The following SLIT1 variants were observed in gnomAD, a reference collection of about 807,000 sequenced individuals.
SLIT1 encodes slit guidance ligand 1, also known as slit homolog 1 protein.
SLIT1 carries 66 observed loss-of-function variants against 186.1 expected under a neutral mutation model. That is an observed-to-expected ratio of 0.35 (90% CI 0.29 to 0.44). SLIT1 has a LOEUF of 0.44. Ranked by LOEUF, SLIT1 falls within the 20% of genes least tolerant of loss-of-function variation. SLIT1 has a pLI of 1.00. For missense variants in SLIT1, 1,638 were observed against 2,037.4 expected, an observed-to-expected ratio of 0.80 and a Z score of 3.77; for synonymous variants, 761 against 833.8, an observed-to-expected ratio of 0.91 and a Z score of 1.50.
chr10:97,055,185 C>T (rs551603594), intron 13 of SLIT1, among the ~76,000 whole-genome samples: 1 of 151,968 alleles, frequency 6.6e-6, no homozygotes, highest in Non-Finnish European at 1.5e-5. Context: ...CCATTGCACT[C>T]CAGCCTAGGT....
At chr10:97,132,298 A>C (rs1236903610) in intron 4 of SLIT1, among the ~76,000 whole-genome samples, 2 of 152,102 alleles carry the variant, frequency 1.3e-5, no homozygotes, top group African/African-American at 4.8e-5. Flanking sequence ...GACAAAGCCA[A>C]CTTGAGGTTC....
intron 25 of SLIT1, among the ~76,000 whole-genome samples, chr10:97,030,548 G>A (rs1056029287): frequency 1.3e-5 from 2 of 152,196 alleles, no homozygotes; most frequent in Admixed American, 6.5e-5. Context: ...CTTCACTACC[G>A]CTTGCGAGGA....
Position 96,998,117 on chromosome 10 carries a change from G to C in SLIT1, c.*2995C>G, listed in dbSNP as rs558872041. 2 of 152,244 alleles carry C rather than the reference G, an allele frequency of 1.3e-5. No homozygotes were observed. Among genetic ancestry groups the C allele is most frequent in the South Asian group, 2.1e-4 (1 of 4,830 alleles). 9.4% of individuals were successfully genotyped at this position (152,244 alleles called of 1,614,324 possible). On this transcript the variant is annotated 3_prime_UTR_variant, in exon 37 of 37. Transcript: ENST00000266058. ...GTCTAAAACAATACTTCCAGGGCAG[G>C]TGCAGCTCCCTCATGGGCCTGTTCT...
At chr10:97,009,481 C>G (rs913603157) in intron 31 of SLIT1, among the ~76,000 whole-genome samples, 3 of 152,116 alleles carry the variant, frequency 2.0e-5, no homozygotes, top group Non-Finnish European at 2.9e-5. Context: ...TAAAAATTAA[C>G]TCAAAATGGA....
At chr10:97,003,944 CT>C in intron 34 of SLIT1, 123 bp downstream of exon 34, 1 of 901,786 alleles carries the variant, frequency 1.1e-6, no homozygotes, top group Non-Finnish European at 1.7e-6. Context: ...CCACCTGCAG[CT>C]TGGCCACCAC....
At chr10:97,147,882 C>T (rs907491843) in intron 4 of SLIT1, among the ~76,000 whole-genome samples, 1 of 152,226 alleles carries the variant, frequency 6.6e-6, no homozygotes, top group African/African-American at 2.4e-5. Flanking sequence ...GCTGCTCCTT[C>T]CACTGGAGTC....
chr10:97,164,793 G>T (rs373384687), intron 2 of SLIT1, 26 bp downstream of exon 2: 84 of 1,580,418 alleles, frequency 5.3e-5, no homozygotes, highest in Admixed American at 3.3e-5. Flanking sequence ...CCAGGGGTGG[G>T]GTGGGAGGGA....
chr10:97,046,562 G>T, intron 18 of SLIT1, 92 bp downstream of exon 18: 1 of 1,303,442 alleles, frequency 7.7e-7, no homozygotes. Context: ...TGGGCCCAGG[G>T]GAGGGGCTCC....
At position 97,185,538 on chromosome 10, in the gene SLIT1, T is replaced by C; in HGVS notation, c.137A>G (p.Asp46Gly). The change falls in exon 1 of 37, where the codon GAC (aspartate) becomes GGC (glycine). Residue 46 changes from aspartate to glycine, a missense_variant. Physicochemically the swap from Asp to Gly is moderately conservative, Grantham distance 94. Around this residue, in one of 3 missense-constraint regions of SLIT1, gnomAD observed 1,245 missense variants for 1,535.3 expected, o/e 0.81. Coordinates refer to ENST00000266058, the MANE Select transcript of SLIT1 (RefSeq NM_003061.3). ...ALCTCTGTTV[D>G]CHGTGLQAIP... ...GGCCTGCAGCCCCGTGCCGTGGCAG[T>C]CCACCGTGGTTCCGGTGCAGGTGCA... 1 of 1,612,072 alleles carries C rather than the reference T, an allele frequency of 6.2e-7. No homozygotes were observed. Among genetic ancestry groups the C allele is most frequent in the Non-Finnish European group, 8.5e-7 (1 of 1,179,640 alleles).
chr10:97,073,386 C>T (rs1052540349), intron 4 of SLIT1, among the ~76,000 whole-genome samples: 2 of 152,212 alleles, frequency 1.3e-5, no homozygotes, highest in Non-Finnish European at 2.9e-5. Flanking sequence ...CAGAATGAGA[C>T]ACCCTGAGAA....
At chr10:97,014,861 G>T (rs1424354027) in intron 28 of SLIT1, among the ~76,000 whole-genome samples, 2 of 144,694 alleles carry the variant, frequency 1.4e-5, no homozygotes, top group African/African-American at 2.6e-5. Flanking sequence ...GCAAGACTCT[G>T]TCTCAAAAAA....
chr10:97,183,935 C>T (rs533375587), intron 1 of SLIT1, among the ~76,000 whole-genome samples: 9 of 151,966 alleles, frequency 5.9e-5, no homozygotes, highest in Non-Finnish European at 8.8e-5. Context: ...ATAATGCACA[C>T]GCTGCCCACA....
intron 8 of SLIT1, 54 bp from the exon 9 acceptor site, chr10:97,060,841 G>A: frequency 2.0e-6 from 3 of 1,510,316 alleles, no homozygotes; most frequent in Non-Finnish European, 2.7e-6. Flanking sequence ...CACCTCCCTT[G>A]AGCCCAGATA....
chr10:97,044,310 C>A (rs1370921896), intron 18 of SLIT1, among the ~76,000 whole-genome samples: 2 of 152,154 alleles, frequency 1.3e-5, no homozygotes, highest in Admixed American at 1.3e-4. Flanking sequence ...GTGGGAGGAT[C>A]TCTTGAGCCC....
chr10:97,042,610 G>A (rs1468896506), intron 20 of SLIT1, among the ~76,000 whole-genome samples: 5 of 152,092 alleles, frequency 3.3e-5, no homozygotes, highest in Admixed American at 1.3e-4. Flanking sequence ...CACTAAAATG[G>A]GAACTGTTTT....
intron 4 of SLIT1, among the ~76,000 whole-genome samples, chr10:97,082,939 G>T (rs1589385873): frequency 6.6e-6 from 1 of 152,086 alleles, no homozygotes; most frequent in South Asian, 2.1e-4. Flanking sequence ...TAGAGACAGG[G>T]TCTTACTCTG....
intron 28 of SLIT1, among the ~76,000 whole-genome samples, chr10:97,014,849 C>G (rs985471349): frequency 1.7e-4 from 25 of 147,622 alleles, no homozygotes; most frequent in African/African-American, 2.5e-5. Flanking sequence ...CTGGGTGACA[C>G]AGCAAGACTC....
chr10:97,097,191 C>T (rs1334846606), intron 4 of SLIT1, among the ~76,000 whole-genome samples: 3 of 152,244 alleles, frequency 2.0e-5, no homozygotes, highest in Non-Finnish European at 4.4e-5. Context: ...CACATCTCAT[C>T]CCTACAGCTA....
At chr10:97,052,375 C>T (rs997053044) in intron 13 of SLIT1, among the ~76,000 whole-genome samples, 1 of 152,144 alleles carries the variant, frequency 6.6e-6, no homozygotes, top group Non-Finnish European at 1.5e-5. Flanking sequence ...ACTGGGATTA[C>T]AGGTGTGAGC....
Sources: allele counts gnomAD v4.1 joint callset (sites outside exome capture counted in the v4.1 genomes callset), GRCh38; gene constraint gnomAD v4.1.1; regional missense constraint gnomAD v4.1.1; transcripts MANE v1.5; gene names NCBI Gene and HGNC (gene_info 2026-07-23, HGNC 2026-07-21).